The following PPM1E variants were observed in gnomAD, a reference collection of about 807,000 sequenced individuals.
The protein encoded by PPM1E is protein phosphatase, Mg2+/Mn2+ dependent 1E.
A neutral mutation model predicts 65.9 loss-of-function variants in PPM1E; 20 were observed. That is an observed-to-expected ratio of 0.30 (90% CI 0.21 to 0.44). PPM1E has a LOEUF of 0.44. Ranked by LOEUF, PPM1E falls within the 20% of genes least tolerant of loss-of-function variation. The pLI, the probability that PPM1E is intolerant of heterozygous loss-of-function variation, is 1.00. For synonymous variants in PPM1E, 352 were observed against 374.9 expected (o/e 0.94, Z 0.70); for missense variants, 713 against 953.1 (o/e 0.75, Z 3.32).
intron 1 of PPM1E, among the ~76,000 whole-genome samples, chr17:58,810,459 C>T (rs2050355907): frequency 6.6e-6 from 1 of 152,140 alleles, no homozygotes; most frequent in Non-Finnish European, 1.5e-5. Context: ...CCTGCCTCAG[C>T]CTCCCAAAGT....
intron 1 of PPM1E, among the ~76,000 whole-genome samples, chr17:58,933,798 A>C: frequency 9.5e-6 from 1 of 105,166 alleles, no homozygotes; most frequent in South Asian, 3.3e-4. Context: ...CTATCTCAAA[A>C]GAAAAAAAAA....
intron 1 of PPM1E, among the ~76,000 whole-genome samples, chr17:58,829,572 T>A (rs1271178184): frequency 1.3e-5 from 2 of 152,192 alleles, no homozygotes; most frequent in Non-Finnish European, 2.9e-5. Context: ...CTGTACGTGC[T>A]GTATACCTTC....
At chr17:58,827,920 T>C (rs868500937) in intron 1 of PPM1E, among the ~76,000 whole-genome samples, 1 of 118,776 alleles carries the variant, frequency 8.4e-6, no homozygotes, top group Non-Finnish European at 1.8e-5. Context: ...AAAATAATAA[T>C]AATAATAATA....
chr17:58,950,359 C>T (rs1194734925), intron 1 of PPM1E, among the ~76,000 whole-genome samples: 1 of 151,872 alleles, frequency 6.6e-6, no homozygotes, highest in Non-Finnish European at 1.5e-5. Flanking sequence ...GAAACTCTGT[C>T]TCAAAAAAAA....
chr17:58,911,446 G>A (rs1300496469), intron 1 of PPM1E, among the ~76,000 whole-genome samples: 2 of 152,082 alleles, frequency 1.3e-5, no homozygotes, highest in Admixed American at 6.5e-5. Context: ...ACTAAAGATT[G>A]GAGTAGGCCT....
At chr17:58,955,280 G>A (rs1004040765) in intron 1 of PPM1E, among the ~76,000 whole-genome samples, 17 of 152,128 alleles carry the variant, frequency 1.1e-4, no homozygotes, top group Non-Finnish European at 2.4e-4. Context: ...CAGGAGAATC[G>A]CTTGAACCCG....
At position 58,969,634 on chromosome 17, in the gene PPM1E, C is replaced by A. The variant is rs143990649; in HGVS notation, c.879C>A (p.Val293=). 8.7e-5 allele frequency: 140 copies of A among 1,614,108 alleles called. 1 individual carries two copies. The African/African-American group carries it at 1.7e-3, about 20-fold the overall frequency. Residue 293 remains valine, a synonymous_variant, in exon 4 of 7, where the codon GTC becomes GTA. Coordinates refer to ENST00000308249, the MANE Select transcript of PPM1E (RefSeq NM_014906.5). The stretch of plus-strand genomic sequence containing the variant: ...CCATTCACCTCCACGTTAACTTAGT[C>A]CGCCAGGAGATGTTCCCCCATGATC... ...YASIHLHVNL[V]RQEMFPHDPA...
intron 1 of PPM1E, among the ~76,000 whole-genome samples, chr17:58,932,328 G>A (rs1004441069): frequency 6.6e-6 from 1 of 152,068 alleles, no homozygotes; most frequent in Non-Finnish European, 1.5e-5. Context: ...AATTAGCCGG[G>A]GATGGTGGTG....
intron 1 of PPM1E, among the ~76,000 whole-genome samples, chr17:58,878,905 TAA>T (rs71143297): frequency 1.5e-4 from 22 of 145,294 alleles, no homozygotes; most frequent in Non-Finnish European, 1.5e-4. Flanking sequence ...ACTGCATCTC[TAA>T]AAAAAAAAAA....
intron 1 of PPM1E, among the ~76,000 whole-genome samples, chr17:58,881,349 CA>C (rs34660855): frequency 6.6e-6 from 1 of 152,044 alleles, no homozygotes; most frequent in South Asian, 2.1e-4. Context: ...GGCAACATGG[CA>C]AAATCTTGTC....
At chr17:58,925,957 A>C (rs917906869) in intron 1 of PPM1E, among the ~76,000 whole-genome samples, 1 of 152,182 alleles carries the variant, frequency 6.6e-6, no homozygotes, top group Non-Finnish European at 1.5e-5. Flanking sequence ...TCAACAGTGT[A>C]TGGATGTCCT....
intron 1 of PPM1E, among the ~76,000 whole-genome samples, chr17:58,877,222 A>G (rs1313902418): frequency 6.6e-6 from 1 of 152,270 alleles, no homozygotes; most frequent in Non-Finnish European, 1.5e-5. Flanking sequence ...CATAGCCAAC[A>G]TAGGTAGCCT....
rs138302864 is a variant in PPM1E, at chr17:58,774,919, C to G, written c.464+18458C>G. The stretch of plus-strand genomic sequence containing the variant: ...CCAGGCTGGAGTGCAGTGGCGTGAT[C>G]TCGGCTCACTGCAACCTCTGCCTCC... On this transcript the variant is annotated intron_variant, in intron 1 of 6. Transcript: ENST00000308249. 2.8e-3 allele frequency among the ~76,000 whole-genome samples: 424 copies of G among 151,334 alleles called. 4 individuals carry two copies. Among genetic ancestry groups the G allele is most frequent in the African/African-American group, 9.6e-3 (396 of 41,220 alleles).
intron 3 of PPM1E, chr17:58,966,166 A>C (rs1301305387): frequency 2.1e-6 from 1 of 465,260 alleles, no homozygotes; most frequent in East Asian, 4.5e-5. Context: ...CCATGGAGGC[A>C]AGGTAGTCTT....
intron 1 of PPM1E, among the ~76,000 whole-genome samples, chr17:58,891,832 CTTTTTTTTTT>C (rs5821250): frequency 9.4e-5 from 8 of 85,496 alleles, no homozygotes; most frequent in Admixed American, 3.0e-4. Flanking sequence ...TTTTCTTTTT[CTTTTTTTTTT>C]TTTTTTTTTT....
Position 58,771,604 on chromosome 17 carries a change from AGAGT to A in PPM1E, c.464+15147_464+15150del, listed in dbSNP as rs997309090. Among the ~76,000 whole-genome samples the A allele has an allele frequency of 2.0e-5, 3 of 151,676 alleles. No individual in the cohort carries two copies. The Admixed American group carries it at 2.0e-4, about 10-fold the overall frequency. On this transcript the variant is annotated intron_variant, in intron 1 of 6. Coordinates refer to ENST00000308249, the MANE Select transcript of PPM1E (RefSeq NM_014906.5). The stretch of plus-strand genomic sequence containing the variant: ...CGCCACTGCACTCCAGCCTGGCAAC[AGAGT>A]GAGACTCCATCTCAAAAAAAAAAGA...
chr17:58,807,711 C>T (rs766134485), intron 1 of PPM1E, among the ~76,000 whole-genome samples: 1 of 151,994 alleles, frequency 6.6e-6, no homozygotes, highest in Admixed American at 6.6e-5. Flanking sequence ...GAAAAGACAG[C>T]CCTATAGATA....
At chr17:58,810,129 G>A (rs1008870745) in intron 1 of PPM1E, among the ~76,000 whole-genome samples, 6 of 152,116 alleles carry the variant, frequency 3.9e-5, no homozygotes, top group African/African-American at 1.2e-4. Context: ...TAGTAGCTAC[G>A]TGTGGATAGC....
At chr17:58,765,877 C>CTTTTTTTTTTTTTTTTTTTTTTTTTTT (rs35401844) in intron 1 of PPM1E, among the ~76,000 whole-genome samples, 2 of 122,884 alleles carry the variant, frequency 1.6e-5, no homozygotes, top group Non-Finnish European at 1.7e-5. Context: ...TTTGTAGTTT[C>CTTTTTTTTTTTTTTTTTTTTTTTTTTT]TTTTTTTTTT....
Sources: gnomAD v4.1 joint callset for allele counts (sites outside exome capture counted in the v4.1 genomes callset) on GRCh38, gnomAD v4.1.1 for gene constraint, MANE v1.5 for transcripts, NCBI Gene and HGNC (gene_info 2026-07-23, HGNC 2026-07-21) for gene names.